Variants in LRRIQ3 observed in about 807,000 individuals in gnomAD.
The protein encoded by LRRIQ3 is leucine-rich repeat and IQ domain-containing protein 3.
A neutral mutation model predicts 59.3 loss-of-function variants in LRRIQ3; 75 were observed. That is an observed-to-expected ratio of 1.26 (90% CI 1.05 to 1.53). LRRIQ3 has a LOEUF of 1.53. LRRIQ3 is among the 40% of genes most tolerant of loss of function. The pLI is 0.00. For missense variants in LRRIQ3, 831 were observed against 710.0 expected, an observed-to-expected ratio of 1.17 and a Z score of -1.94; for synonymous variants, 250 against 231.3, an observed-to-expected ratio of 1.08 and a Z score of -0.73.
At chr1:74,185,073 C>T (rs973306022) in intron 1 of LRRIQ3, among the ~76,000 whole-genome samples, 1 of 152,158 alleles carries the variant, frequency 6.6e-6, no homozygotes, top group African/African-American at 2.4e-5. Flanking sequence ...AATGTCTTGG[C>T]TGTTTCCAAC....
At chr1:74,091,449 A>G (rs1183878906) in intron 5 of LRRIQ3, among the ~76,000 whole-genome samples, 1 of 152,126 alleles carries the variant, frequency 6.6e-6, no homozygotes, top group African/African-American at 2.4e-5. Context: ...TCTGCTTATT[A>G]TTTTTCAATA....
At position 74,132,093 on chromosome 1, in the gene LRRIQ3, A is replaced by T. The variant is rs527841681; in HGVS notation, c.708-22540T>A. On this transcript the variant is annotated intron_variant, in intron 4 of 7. Transcript: ENST00000354431. ...TCTTATGCACCAATAACAGACAGAG[A>T]GCCAAATCATGAGTGAACTCCCATT... 3.9e-5 allele frequency among the ~76,000 whole-genome samples: 6 copies of T among 152,250 alleles called. No individual in the cohort carries two copies. The South Asian group carries it at 1.2e-3, about 32-fold the overall frequency.
intron 5 of LRRIQ3, among the ~76,000 whole-genome samples, chr1:74,103,794 C>A (rs745336637): frequency 3.2e-4 from 49 of 150,978 alleles, no homozygotes; most frequent in Non-Finnish European, 5.9e-4. Flanking sequence ...CCTTCCCCCC[C>A]CCGCCATATT....
At chr1:74,151,164 T>C (rs1647917285) in intron 4 of LRRIQ3, among the ~76,000 whole-genome samples, 1 of 151,750 alleles carries the variant, frequency 6.6e-6, no homozygotes, top group Non-Finnish European at 1.5e-5. Context: ...ACAACAGGTA[T>C]GCACCACCAT....
At chr1:74,088,778 G>A (rs1646360316) in intron 5 of LRRIQ3, among the ~76,000 whole-genome samples, 2 of 151,614 alleles carry the variant, frequency 1.3e-5, no homozygotes, top group African/African-American at 4.8e-5. Flanking sequence ...TCTTAGATAT[G>A]ACACAAAAAA....
At chr1:74,140,651 C>T (rs1647220279) in intron 4 of LRRIQ3, among the ~76,000 whole-genome samples, 1 of 151,756 alleles carries the variant, frequency 6.6e-6, no homozygotes, top group Admixed American at 6.6e-5. Flanking sequence ...GGGCCATATG[C>T]AAATCTCAAT....
chr1:74,138,124 T>C (rs1419384079), intron 4 of LRRIQ3, among the ~76,000 whole-genome samples: 1 of 147,888 alleles, frequency 6.8e-6, no homozygotes, highest in African/African-American at 2.5e-5. Flanking sequence ...AAGAAATAAA[T>C]ATCCTGGCTC....
rs1174294347 is a variant in LRRIQ3 at position 74,145,951 on chromosome 1, C to T, written c.707+9782G>A. Among the ~76,000 whole-genome samples, 3 of 152,106 alleles carry T rather than the reference C, an allele frequency of 2.0e-5. No individual in the cohort carries two copies. The East Asian group carries it at 5.8e-4, about 29-fold the overall frequency. ...TCCAGTCAATGACAAACTGCATATACACTGGTGGTCCCCATGAAATTATAC... is the reference window on the plus strand; with the variant it reads ...TCCAGTCAATGACAAACTGCATATATACTGGTGGTCCCCATGAAATTATAC... On this transcript the variant is annotated intron_variant, in intron 4 of 7. Transcript: ENST00000354431.
chr1:74,053,008 T>C (rs553330635), intron 6 of LRRIQ3, among the ~76,000 whole-genome samples: 1 of 152,174 alleles, frequency 6.6e-6, no homozygotes, highest in East Asian at 1.9e-4. Context: ...AACAGTTTGG[T>C]ATTGGCAAGA....
intron 7 of LRRIQ3, among the ~76,000 whole-genome samples, chr1:74,039,322 C>A (rs539182177): frequency 1.3e-5 from 2 of 151,910 alleles, no homozygotes; most frequent in East Asian, 3.9e-4. Flanking sequence ...AAATATGGGA[C>A]TATGTAAAAA....
At chr1:74,119,711 T>C (rs183650072) in intron 4 of LRRIQ3, among the ~76,000 whole-genome samples, 1 of 152,264 alleles carries the variant, frequency 6.6e-6, no homozygotes, top group Admixed American at 6.5e-5. Context: ...ATTAAAATAA[T>C]ACTCCTATCC....
At chr1:74,170,396 TC>T (rs1649251706) in intron 3 of LRRIQ3, among the ~76,000 whole-genome samples, 1 of 152,200 alleles carries the variant, frequency 6.6e-6, no homozygotes, top group Non-Finnish European at 1.5e-5. Context: ...TATCCAGTTT[TC>T]TCAACATCAT....
rs954836998 is a variant in LRRIQ3, at chr1:74,026,678, AT to A, written c.*134del. 4 of 680,460 alleles carry A rather than the reference AT, an allele frequency of 5.9e-6. No individual in the cohort carries two copies. Among genetic ancestry groups the A allele is most frequent in the African/African-American group, 1.9e-5 (1 of 52,954 alleles). 42.2% of individuals were successfully genotyped at this position (680,460 alleles called of 1,614,324 possible). On this transcript the variant is annotated 3_prime_UTR_variant, in exon 8 of 8. Coordinates refer to ENST00000354431, the MANE Select transcript of LRRIQ3 (RefSeq NM_001105659.2). Reference sequence around the variant, plus strand: ...GAGAAACATTTTAACTAATCTTTATATTTTTAGAAGACTTATATATAAATCC... The same window carrying A: ...GAGAAACATTTTAACTAATCTTTATATTTTAGAAGACTTATATATAAATCC...
At chr1:74,145,937 A>G (rs772324163) in intron 4 of LRRIQ3, among the ~76,000 whole-genome samples, 5 of 152,126 alleles carry the variant, frequency 3.3e-5, no homozygotes, top group African/African-American at 4.8e-5. Context: ...CCAGTCAATG[A>G]CAAACTGCAT....
At chr1:74,191,320 G>A (rs907170765) in intron 1 of LRRIQ3, among the ~76,000 whole-genome samples, 2 of 152,098 alleles carry the variant, frequency 1.3e-5, no homozygotes, top group African/African-American at 2.4e-5. Context: ...GAAGAGAAAT[G>A]ATATAGGTCA....
chr1:74,073,314 C>A (rs1183147871), intron 6 of LRRIQ3, among the ~76,000 whole-genome samples: 2 of 152,084 alleles, frequency 1.3e-5, no homozygotes, highest in Non-Finnish European at 2.9e-5. Flanking sequence ...GAGTTCAAGA[C>A]CAGCCTGGGC....
chr1:74,190,958 G>A (rs912152982), intron 1 of LRRIQ3, among the ~76,000 whole-genome samples: 4 of 152,058 alleles, frequency 2.6e-5, no homozygotes, highest in South Asian at 2.1e-4. Flanking sequence ...CTTGTCTGCC[G>A]CCATGTAAGA....
chr1:74,129,501 C>G (rs1230421129), intron 4 of LRRIQ3, among the ~76,000 whole-genome samples: 1 of 151,984 alleles, frequency 6.6e-6, no homozygotes, highest in African/African-American at 2.4e-5. Flanking sequence ...CCCTCTGGAC[C>G]AGAGAGGGTA....
At chr1:74,094,501 A>G (rs1296924232) in intron 5 of LRRIQ3, among the ~76,000 whole-genome samples, 1 of 152,086 alleles carries the variant, frequency 6.6e-6, no homozygotes, top group Non-Finnish European at 1.5e-5. Context: ...TAGACTAGGC[A>G]AGAAAACAGA....
Sources: allele counts gnomAD v4.1 joint callset (sites outside exome capture counted in the v4.1 genomes callset), GRCh38; gene constraint gnomAD v4.1.1; transcripts MANE v1.5; gene names NCBI Gene and HGNC (gene_info 2026-07-23, HGNC 2026-07-21).